SLC9A9: variants seen among roughly 807,000 people sequenced by gnomAD.
SLC9A9 encodes the protein sodium/hydrogen exchanger 9.
SLC9A9 carries 62 observed loss-of-function variants against 77.8 expected under a neutral mutation model. That is an observed-to-expected ratio of 0.80 (90% CI 0.65 to 0.98). The LOEUF (loss-of-function observed/expected upper bound fraction) is 0.98. SLC9A9 is among the 50% of genes least tolerant of loss of function. The probability of loss-of-function intolerance (pLI) is 0.00; values close to 1 mark genes in which losing one functional copy is unlikely to be tolerated. For missense variants in SLC9A9, 775 were observed against 774.9 expected (o/e 1.00, Z 0.00); for synonymous variants, 320 against 283.5 (o/e 1.13, Z -1.29).
chr3:143,573,193 T>C (rs1160248474), intron 8 of SLC9A9, among the ~76,000 whole-genome samples: 1 of 152,156 alleles, frequency 6.6e-6, no homozygotes, highest in East Asian at 1.9e-4. Flanking sequence ...ATTTATTATT[T>C]AGACTTAAAG....
intron 1 of SLC9A9, among the ~76,000 whole-genome samples, chr3:143,841,183 A>G (rs1285407599): frequency 1.3e-5 from 2 of 152,054 alleles, no homozygotes; most frequent in African/African-American, 2.4e-5. Flanking sequence ...GAAAATGATA[A>G]CACACCCCCT....
At chr3:143,402,447 G>GTTT (rs11292780) in intron 12 of SLC9A9, among the ~76,000 whole-genome samples, 4 of 110,386 alleles carry the variant, frequency 3.6e-5, no homozygotes, top group Non-Finnish European at 5.8e-5. Context: ...GCACCTTTGT[G>GTTT]TTTTTTTTTT....
intron 1 of SLC9A9, among the ~76,000 whole-genome samples, chr3:143,834,507 C>T (rs7615541): frequency 0.017 from 2,493 of 150,548 alleles, 69 homozygotes; most frequent in African/African-American, 0.058. Flanking sequence ...ATACTATCTG[C>T]ATGGGGCCTA....
chr3:143,832,002 C>T lies in SLC9A9; in HGVS notation c.378+17G>A, dbSNP rs372370553. ...TATACTGTAAAACAAATATATAATA[C>T]CAGACAGGATCCTTACCTTTTCAAG... On this transcript the variant is annotated intron_variant, in intron 2 of 15. Transcript: ENST00000316549. 3.1e-5 allele frequency: 50 copies of T among 1,602,140 alleles called. No homozygotes were observed. Among genetic ancestry groups the T allele is most frequent in the Non-Finnish European group, 4.1e-5 (48 of 1,171,542 alleles).
chr3:143,771,929 G>T (rs1331745544), intron 4 of SLC9A9, among the ~76,000 whole-genome samples: 2 of 152,124 alleles, frequency 1.3e-5, no homozygotes, highest in Non-Finnish European at 2.9e-5. Context: ...GGTTGAGCAG[G>T]AGGACAGAGG....
At chr3:143,704,138 C>A (rs1193551303) in intron 4 of SLC9A9, among the ~76,000 whole-genome samples, 1 of 152,070 alleles carries the variant, frequency 6.6e-6, no homozygotes, top group South Asian at 2.1e-4. Context: ...CTGCTTCTAT[C>A]AAAAATTTAA....
At chr3:143,299,665 G>A (rs1186901953) in intron 14 of SLC9A9, among the ~76,000 whole-genome samples, 3 of 152,088 alleles carry the variant, frequency 2.0e-5, no homozygotes, top group African/African-American at 2.4e-5. Context: ...GGATGGTCTC[G>A]ATCTCCTGAC....
chr3:143,517,696 A>G, intron 9 of SLC9A9: 1 of 1,597,504 alleles, frequency 6.3e-7, no homozygotes, highest in Non-Finnish European at 8.5e-7. Context: ...CTGAATCAGG[A>G]TTTATTTCAA....
chr3:143,466,883 A>C (rs552625551), intron 12 of SLC9A9, among the ~76,000 whole-genome samples, 154 bp downstream of exon 12: 1 of 152,348 alleles, frequency 6.6e-6, no homozygotes, highest in East Asian at 1.9e-4. Flanking sequence ...GTACTATGTC[A>C]TATTGTTTCA....
At chr3:143,293,393 C>G (rs1327829055) in intron 14 of SLC9A9, among the ~76,000 whole-genome samples, 2 of 152,174 alleles carry the variant, frequency 1.3e-5, no homozygotes, top group Non-Finnish European at 2.9e-5. Flanking sequence ...ATAAAGTTAG[C>G]TTTGCAATCA....
Position 143,325,864 on chromosome 3 carries a change from T to C in SLC9A9, c.1604+37620A>G, listed in dbSNP as rs151067422. 1.4e-4 allele frequency among the ~76,000 whole-genome samples: 22 copies of C among 152,310 alleles called. No individual in the cohort carries two copies. The East Asian group carries it at 2.3e-3, about 16-fold the overall frequency. ...GGCAAACAGAGGAGTGGATCAGACA[T>C]CACTTGTGCATTTTCTGGAATGTAC... is the stretch of plus-strand genomic sequence containing the variant. On this transcript the variant is annotated intron_variant, in intron 14 of 15. Transcript: ENST00000316549.
chr3:143,790,105 A>G (rs1282018202), intron 4 of SLC9A9, among the ~76,000 whole-genome samples: 1 of 152,106 alleles, frequency 6.6e-6, no homozygotes, highest in Non-Finnish European at 1.5e-5. Context: ...AGTTCTCATT[A>G]GATCTGATAG....
At chr3:143,580,142 G>C (rs1181407091) in intron 6 of SLC9A9, among the ~76,000 whole-genome samples, 1 of 152,194 alleles carries the variant, frequency 6.6e-6, no homozygotes, top group African/African-American at 2.4e-5. Context: ...CTTTGTATCT[G>C]CAAGTCCTGG....
chr3:143,608,887 T>C (rs541491300), intron 6 of SLC9A9, among the ~76,000 whole-genome samples: 24 of 152,296 alleles, frequency 1.6e-4, no homozygotes, highest in African/African-American at 5.5e-4. Context: ...TAAAGTAATA[T>C]CAATGCTGAA....
intron 10 of SLC9A9, among the ~76,000 whole-genome samples, chr3:143,495,066 G>A (rs2035809964): frequency 6.6e-6 from 1 of 152,040 alleles, no homozygotes; most frequent in Non-Finnish European, 1.5e-5. Context: ...AACATATTTT[G>A]AATGCTTGAA....
chr3:143,725,760 T>C (rs539483848), intron 4 of SLC9A9, among the ~76,000 whole-genome samples: 1 of 144,616 alleles, frequency 6.9e-6, no homozygotes, highest in East Asian at 2.1e-4. Flanking sequence ...GGGGGAGAGA[T>C]AGCATTAGGA....
At chr3:143,346,776 A>G (rs748507048) in intron 14 of SLC9A9, among the ~76,000 whole-genome samples, 1 of 152,186 alleles carries the variant, frequency 6.6e-6, no homozygotes, top group Non-Finnish European at 1.5e-5. Flanking sequence ...CTGGGCAACA[A>G]GAGTGAAACT....
intron 12 of SLC9A9, among the ~76,000 whole-genome samples, chr3:143,404,986 A>G (rs908303327): frequency 1.3e-5 from 2 of 152,194 alleles, no homozygotes; most frequent in African/African-American, 4.8e-5. Context: ...CCTCTTGCTG[A>G]TGGATCTTTG....
intron 4 of SLC9A9, among the ~76,000 whole-genome samples, chr3:143,787,063 T>C (rs1352872672): frequency 1.3e-5 from 2 of 152,128 alleles, no homozygotes; most frequent in Non-Finnish European, 2.9e-5. Context: ...ACATCACTCT[T>C]GGCACTTTTT....
Sources: gnomAD v4.1 joint callset for allele counts (sites outside exome capture counted in the v4.1 genomes callset) on GRCh38, gnomAD v4.1.1 for gene constraint, MANE v1.5 for transcripts, NCBI Gene and HGNC (gene_info 2026-07-23, HGNC 2026-07-21) for gene names.